The following SLC35F3 variants were observed in gnomAD, a reference collection of about 807,000 sequenced individuals.
SLC35F3 encodes the protein solute carrier family 35 member F3, also known as putative thiamine transporter SLC35F3.
Under a neutral mutation model 49.9 loss-of-function variants are expected in SLC35F3, and 25 were observed. The ratio of observed to expected loss-of-function variants is 0.50; its 90% confidence interval spans 0.37 to 0.70. The LOEUF (loss-of-function observed/expected upper bound fraction) is 0.70. Ranked by LOEUF, SLC35F3 falls within the 30% of genes least tolerant of loss-of-function variation. SLC35F3 has a pLI of 0.00. For missense variants in SLC35F3, 525 were observed against 639.8 expected, an observed-to-expected ratio of 0.82 and a Z score of 1.94; for synonymous variants, 275 against 265.4, an observed-to-expected ratio of 1.04 and a Z score of -0.35.
At chr1:234,142,783 A>G (rs1230013715) in intron 2 of SLC35F3, among the ~76,000 whole-genome samples, 1 of 152,152 alleles carries the variant, frequency 6.6e-6, no homozygotes, top group Non-Finnish European at 1.5e-5. Context: ...CATGATGTTT[A>G]CCATGTTTCA....
intron 2 of SLC35F3, among the ~76,000 whole-genome samples, chr1:234,219,923 C>T (rs766099114): frequency 3.3e-5 from 5 of 152,150 alleles, no homozygotes; most frequent in Non-Finnish European, 4.4e-5. Flanking sequence ...GAGCCACAGA[C>T]GAAGGCGCAG....
chr1:234,104,830 G>A (rs945136658), intron 2 of SLC35F3, among the ~76,000 whole-genome samples: 1 of 152,200 alleles, frequency 6.6e-6, no homozygotes, highest in African/African-American at 2.4e-5. Flanking sequence ...TGTCATTTGA[G>A]ATTTAAAACA....
chr1:234,097,371 C>T (rs182781127), intron 2 of SLC35F3, among the ~76,000 whole-genome samples: 1 of 152,270 alleles, frequency 6.6e-6, no homozygotes, highest in Non-Finnish European at 1.5e-5. Context: ...AGATGTCTTC[C>T]ATTTATTGAG....
At position 234,114,460 on chromosome 1, in the gene SLC35F3, G is replaced by T. The variant is rs374176835; in HGVS notation, c.284-116957G>T. On this transcript the variant is annotated intron_variant, in intron 2 of 7. Transcript: ENST00000366618. ...TTATAAACTGACATATTTATGAAAG[G>T]TTCTATTTTAATGGAGTACTATTAG... 4.9e-4 allele frequency among the ~76,000 whole-genome samples: 75 copies of T among 152,268 alleles called. 1 individual carries two copies. Among genetic ancestry groups the T allele is most frequent in the African/African-American group, 1.6e-3 (67 of 41,554 alleles).
rs147408153 is a variant in SLC35F3 at position 234,103,760 on chromosome 1, T to C, written c.284-127657T>C. Among the ~76,000 whole-genome samples, 619 of 152,276 alleles carry C rather than the reference T, an allele frequency of 4.1e-3. 7 individuals are homozygous for C. Among genetic ancestry groups the C allele is most frequent in the African/African-American group, 0.014 (582 of 41,554 alleles). ...CCGCATTATTGTTTCCAAATATTCA[T>C]TGTCTCTTCTTGGGAAAGGATTATA... is the stretch of plus-strand genomic sequence containing the variant. On this transcript the variant is annotated intron_variant, in intron 2 of 7. Transcript: ENST00000366618.
chr1:233,930,760 T>G (rs10797504), intron 2 of SLC35F3, among the ~76,000 whole-genome samples: 141,605 of 152,256 alleles, frequency 0.93, 66,720 homozygotes, highest in East Asian at 1. Context: ...AATTAAGCTG[T>G]AGAAAAGAAA....
intron 2 of SLC35F3, among the ~76,000 whole-genome samples, chr1:234,070,632 A>G (rs920101341): frequency 7.2e-5 from 11 of 152,148 alleles, no homozygotes; most frequent in African/African-American, 2.7e-4. Context: ...ACCTTTATAG[A>G]TAGTTTCCAT....
At chr1:234,109,523 T>TA (rs1665373654) in intron 2 of SLC35F3, among the ~76,000 whole-genome samples, 1 of 152,194 alleles carries the variant, frequency 6.6e-6, no homozygotes. Context: ...TCATCACTGT[T>TA]TCTCTGTGCG....
intron 2 of SLC35F3, among the ~76,000 whole-genome samples, chr1:234,105,249 G>A (rs556037002): frequency 3.9e-4 from 59 of 152,252 alleles, no homozygotes; most frequent in Non-Finnish European, 7.4e-4. Context: ...TTTGTCCAAG[G>A]AGGATAACTG....
intron 2 of SLC35F3, among the ~76,000 whole-genome samples, chr1:234,210,522 T>G (rs1280385385): frequency 6.6e-6 from 1 of 152,138 alleles, no homozygotes; most frequent in Non-Finnish European, 1.5e-5. Context: ...GCTGAGGTGG[T>G]CTCAGATGGA....
At chr1:234,194,692 CAT>C (rs986867375) in intron 2 of SLC35F3, among the ~76,000 whole-genome samples, 2 of 152,120 alleles carry the variant, frequency 1.3e-5, no homozygotes, top group African/African-American at 4.8e-5. Flanking sequence ...GGCTTAGAAA[CAT>C]ATGTGGGTGT....
At chr1:234,030,575 A>G (rs1664047251) in intron 2 of SLC35F3, among the ~76,000 whole-genome samples, 1 of 152,184 alleles carries the variant, frequency 6.6e-6, no homozygotes, top group African/African-American at 2.4e-5. Context: ...AACTCCTCCA[A>G]GGCTCATTCA....
At chr1:234,079,378 T>A (rs540119046) in intron 2 of SLC35F3, among the ~76,000 whole-genome samples, 4 of 152,346 alleles carry the variant, frequency 2.6e-5, no homozygotes, top group African/African-American at 9.6e-5. Context: ...ATTCATGATT[T>A]TAGATTAGGC....
rs1661742474 is a variant in SLC35F3, at chr1:233,904,856, C to T, written c.-222C>T. 3.8e-6 allele frequency: 1 copy of T among 261,088 alleles called. No individual in the cohort carries two copies. The highest frequency in any genetic ancestry group is 7.1e-6 in the Non-Finnish European group (1 of 141,834). 16.2% of individuals were successfully genotyped at this position (261,088 alleles called of 1,614,324 possible). The stretch of plus-strand genomic sequence containing the variant: ...GCGAGCGCGCGGGCCGGCCTGGAGT[C>T]ACCGGGCTGAACCGCCGCGCCTGCA... On this transcript the variant is annotated 5_prime_UTR_variant, in exon 1 of 8. Transcript: ENST00000366618.
At chr1:234,223,672 A>C (rs1383195411) in intron 2 of SLC35F3, among the ~76,000 whole-genome samples, 1 of 152,256 alleles carries the variant, frequency 6.6e-6, no homozygotes, top group East Asian at 1.9e-4. Context: ...GTAGCATGTC[A>C]TACACATTCT....
chr1:234,317,953 A>C (rs547592265), intron 5 of SLC35F3, among the ~76,000 whole-genome samples: 10 of 152,348 alleles, frequency 6.6e-5, no homozygotes, highest in Admixed American at 4.6e-4. Context: ...CCTAGGTGAG[A>C]GGCTGAAAGC....
intron 2 of SLC35F3, among the ~76,000 whole-genome samples, chr1:234,181,922 A>C (rs1038099705): frequency 6.6e-6 from 1 of 152,188 alleles, no homozygotes; most frequent in Non-Finnish European, 1.5e-5. Flanking sequence ...AATTGATCAG[A>C]GATTGTCCAG....
intron 2 of SLC35F3, among the ~76,000 whole-genome samples, chr1:233,937,717 A>G (rs1230670528): frequency 6.6e-6 from 1 of 152,250 alleles, no homozygotes; most frequent in East Asian, 1.9e-4. Flanking sequence ...GACTGAAAGC[A>G]TTGCCTGGTT....
chr1:234,132,158 C>T (rs886090154), intron 2 of SLC35F3, among the ~76,000 whole-genome samples: 1 of 152,206 alleles, frequency 6.6e-6, no homozygotes, highest in Non-Finnish European at 1.5e-5. Flanking sequence ...GTCAGATTCT[C>T]CTGCATGCTC....
Sources: allele counts gnomAD v4.1 joint callset (sites outside exome capture counted in the v4.1 genomes callset), GRCh38; gene constraint gnomAD v4.1.1; transcripts MANE v1.5; gene names NCBI Gene and HGNC (gene_info 2026-07-23, HGNC 2026-07-21).